Variants in NT5DC3 observed in about 807,000 individuals in gnomAD.
NT5DC3 encodes 5'-nucleotidase domain-containing protein 3.
A neutral mutation model predicts 67.8 loss-of-function variants in NT5DC3; 42 were observed. The observed-to-expected ratio is 0.62, with a 90% CI of 0.48 to 0.80. The LOEUF (loss-of-function observed/expected upper bound fraction) is 0.80, where lower values mean the gene tolerates loss of function less well. Among genes scored for constraint, NT5DC3 ranks in the 30% least tolerant of loss-of-function variants. The pLI is 0.00. For missense variants in NT5DC3, 570 were observed against 696.4 expected (o/e 0.82, Z 2.04); for synonymous variants, 237 against 255.6 (o/e 0.93, Z 0.69).
At chr12:103,837,309 T>C (rs1888192812) in intron 1 of NT5DC3, among the ~76,000 whole-genome samples, 1 of 152,192 alleles carries the variant, frequency 6.6e-6, no homozygotes, top group Non-Finnish European at 1.5e-5. Flanking sequence ...AAGCATGTAA[T>C]GGGAAAGACT....
chr12:103,837,852 A>G (rs554479376), intron 1 of NT5DC3, among the ~76,000 whole-genome samples: 56 of 151,950 alleles, frequency 3.7e-4, no homozygotes, highest in Middle Eastern at 6.8e-3. Flanking sequence ...AACTGTTCCA[A>G]CCTCTGCCTG....
intron 1 of NT5DC3, among the ~76,000 whole-genome samples, chr12:103,826,366 T>G (rs550590098): frequency 3.5e-4 from 54 of 152,354 alleles, no homozygotes; most frequent in African/African-American, 1.3e-3. Context: ...AATAAAGTTA[T>G]TAGCCTGGAT....
chr12:103,747,649 T>A, the NT5DC3 span, among the ~76,000 whole-genome samples: 2 of 152,162 alleles, frequency 1.3e-5, no homozygotes, highest in African/African-American at 2.4e-5. Flanking sequence ...CTGGGAAATG[T>A]CGTCTTTTAT....
intron 1 of NT5DC3, among the ~76,000 whole-genome samples, chr12:103,819,373 C>T (rs1887396646): frequency 6.6e-6 from 1 of 152,232 alleles, no homozygotes; most frequent in Non-Finnish European, 1.5e-5. Flanking sequence ...AAACTTTAGA[C>T]TCTAAAGTAT....
chr12:103,833,892 CAGAAA>C (rs1888037673), intron 1 of NT5DC3, among the ~76,000 whole-genome samples: 1 of 152,154 alleles, frequency 6.6e-6, no homozygotes, highest in Non-Finnish European at 1.5e-5. Flanking sequence ...TAAAGCACAA[CAGAAA>C]AGAAGAGACC....
In NT5DC3 at chr12:103,798,668, A is replaced by G; in HGVS notation, c.534T>C (p.Ser178=). ...IQLGTVYRGL[S]VVPDEEVIEM... Reference sequence around the variant, plus strand: ...CAATGACTTCTTCATCAGGGACAACACTGAGGCCTCTGGAAAAACCAGATG... The same window carrying G: ...CAATGACTTCTTCATCAGGGACAACGCTGAGGCCTCTGGAAAAACCAGATG... The change falls in exon 5 of 14, where the codon AGT becomes AGC. Residue 178 remains serine (S), a synonymous_variant. Coordinates refer to ENST00000392876, the MANE Select transcript of NT5DC3 (RefSeq NM_001031701.3). 2 of 1,612,968 alleles carry G rather than the reference A, an allele frequency of 1.2e-6. No individual in the cohort carries two copies. The highest frequency in any genetic ancestry group is 1.1e-5 in the South Asian group (1 of 91,058).
chr12:103,762,256 T>C, the NT5DC3 span: 1 of 1,612,874 alleles, frequency 6.2e-7, no homozygotes, highest in Non-Finnish European at 8.5e-7. Context: ...TGGGCCCCTT[T>C]CCTTTCTTTG....
At chr12:103,759,303 A>C in the NT5DC3 span, 7 of 1,608,844 alleles carry the variant, frequency 4.4e-6, no homozygotes, top group Non-Finnish European at 5.9e-6. Flanking sequence ...TCTTGGGGGA[A>C]CGGGAGATAA....
intron 13 of NT5DC3, among the ~76,000 whole-genome samples, chr12:103,778,901 A>AT (rs765872630): frequency 1.4e-4 from 21 of 152,216 alleles, no homozygotes; most frequent in Non-Finnish European, 2.8e-4. Flanking sequence ...AAGGCTCCAG[A>AT]TTCTTTTGCA....
intron 2 of NT5DC3, among the ~76,000 whole-genome samples, chr12:103,810,246 C>T (rs957873919): frequency 4.6e-5 from 7 of 152,180 alleles, no homozygotes; most frequent in Non-Finnish European, 8.8e-5. Context: ...ACTCCTGCCC[C>T]TAAATTGTAA....
rs201786643 is a variant in NT5DC3 at position 103,783,792 on chromosome 12, C to A, written c.1329+1543G>T. Among the ~76,000 whole-genome samples the A allele has an allele frequency of 2.9e-4, 41 of 142,672 alleles. No individual in the cohort carries two copies. In the East Asian group the frequency reaches 6.4e-3, roughly 22 times the overall value. The allele number at this position is 142,672 out of a possible 152,430, so 93.6% of individuals were successfully genotyped here. On this transcript the variant is annotated intron_variant, in intron 12 of 13. Transcript: ENST00000392876. ...CAGAAAAAGGAAAACAAAATAAAACCAAAAAAAAAAAAAACCTCTTTCCAA... is the reference window on the plus strand; with the variant it reads ...CAGAAAAAGGAAAACAAAATAAAACAAAAAAAAAAAAAAACCTCTTTCCAA...
At chr12:103,816,193 C>A (rs1158622697) in intron 1 of NT5DC3, among the ~76,000 whole-genome samples, 1 of 152,134 alleles carries the variant, frequency 6.6e-6, no homozygotes, top group African/African-American at 2.4e-5. Context: ...GGAACAGGAC[C>A]ATTTTGGATA....
At chr12:103,769,422 G>C (rs115557482), downstream of NT5DC3, among the ~76,000 whole-genome samples, 485 of 152,312 alleles carry the variant, frequency 3.2e-3, 4 homozygotes, top group African/African-American at 0.011. Context: ...CCACTCCTGA[G>C]CCCTGAGGCA....
intron 9 of NT5DC3, among the ~76,000 whole-genome samples, chr12:103,791,023 C>T (rs1886033811): frequency 6.6e-6 from 1 of 152,156 alleles, no homozygotes; most frequent in Non-Finnish European, 1.5e-5. Context: ...ATAATACCCC[C>T]TCACATGGCT....
At chr12:103,783,186 A>G (rs1885630876) in intron 12 of NT5DC3, among the ~76,000 whole-genome samples, 1 of 152,252 alleles carries the variant, frequency 6.6e-6, no homozygotes, top group Non-Finnish European at 1.5e-5. Flanking sequence ...CTAAGGGAAC[A>G]CTGAGGAAGA....
At chr12:103,750,727 G>A in the NT5DC3 span, 1 of 1,611,538 alleles carries the variant, frequency 6.2e-7, no homozygotes, top group Non-Finnish European at 8.5e-7. Flanking sequence ...CAGGGTTAGT[G>A]TGACCAGGGC....
chr12:103,782,489 T>C (rs1885596395), intron 12 of NT5DC3, among the ~76,000 whole-genome samples: 1 of 152,244 alleles, frequency 6.6e-6, no homozygotes, highest in Non-Finnish European at 1.5e-5. Flanking sequence ...TGTCCACGGC[T>C]GCTTTTGTGC....
chr12:103,838,279 C>A (rs1012647125), intron 1 of NT5DC3, among the ~76,000 whole-genome samples: 13 of 152,200 alleles, frequency 8.5e-5, no homozygotes. Flanking sequence ...GGGGACACAG[C>A]CAAACCATAT....
At chr12:103,827,806 T>C (rs369741634) in intron 1 of NT5DC3, among the ~76,000 whole-genome samples, 2 of 152,204 alleles carry the variant, frequency 1.3e-5, no homozygotes, top group African/African-American at 4.8e-5. Flanking sequence ...TTTTAAAAAA[T>C]AATAGAATTC....
Sources: allele counts gnomAD v4.1 joint callset (sites outside exome capture counted in the v4.1 genomes callset), GRCh38; gene constraint gnomAD v4.1.1; transcripts MANE v1.5; gene names NCBI Gene and HGNC (gene_info 2026-07-23, HGNC 2026-07-21).